The following SCNN1G variants were observed in gnomAD, a reference collection of about 807,000 sequenced individuals.
SCNN1G encodes epithelial sodium channel subunit gamma.
A neutral mutation model predicts 64.6 loss-of-function variants in SCNN1G; 27 were observed. The observed-to-expected ratio is 0.42, with a 90% CI of 0.31 to 0.58. The LOEUF (loss-of-function observed/expected upper bound fraction) is 0.58, where lower values mean the gene tolerates loss of function less well. Among genes scored for constraint, SCNN1G ranks in the 20% least tolerant of loss-of-function variants. The probability of loss-of-function intolerance (pLI) is 0.18; values close to 1 mark genes in which losing one functional copy is unlikely to be tolerated. For synonymous variants in SCNN1G, 330 were observed against 314.2 expected (o/e 1.05, Z -0.53); for missense variants, 743 against 823.4 (o/e 0.90, Z 1.19).
chr16:23,204,306 T>TATATAC (rs1959943558), intron 6 of SCNN1G, among the ~76,000 whole-genome samples: 1 of 63,940 alleles, frequency 1.6e-5, no homozygotes, highest in African/African-American at 6.0e-5. Flanking sequence ...TATATATATA[T>TATATAC]ATATATATAT....
In SCNN1G at chr16:23,194,174, T is replaced by C; in HGVS notation, c.813T>C (p.Asn271=). ...GACCCATTTTCTTCCTCCATAGGAA[T>C]TTCACGCTTTTCCACCACCCGATGC... ...FFDGVSCDAR[N]FTLFHHPMHG... Residue 271 remains asparagine (N), a synonymous_variant, in exon 5 of 13, where the codon AAT becomes AAC. Transcript: ENST00000300061. 6.2e-7 allele frequency: 1 copy of C among 1,611,370 alleles called. No individual in the cohort carries two copies. Among genetic ancestry groups the C allele is most frequent in the Non-Finnish European group, 8.5e-7 (1 of 1,177,612 alleles).
chr16:23,211,896 C>G (rs1335882080), intron 7 of SCNN1G, 138 bp from the exon 8 acceptor site: 1 of 753,144 alleles, frequency 1.3e-6, no homozygotes, highest in African/African-American at 1.7e-5. Context: ...CATGCCCAGC[C>G]CAGTTGGCAT....
chr16:23,191,869 G>A (rs72646497), intron 3 of SCNN1G, among the ~76,000 whole-genome samples: 2 of 152,198 alleles, frequency 1.3e-5, no homozygotes, highest in African/African-American at 4.8e-5. Flanking sequence ...TGGTTGGGAA[G>A]GATGGTGTTT....
chr16:23,208,434 G>T (rs939595217), intron 6 of SCNN1G, among the ~76,000 whole-genome samples: 1 of 152,098 alleles, frequency 6.6e-6, no homozygotes, highest in Admixed American at 6.5e-5. Flanking sequence ...GATCAGGGTA[G>T]CATTCTACTC....
At position 23,202,248 on chromosome 16, in the gene SCNN1G, A is replaced by G. The variant is rs1245448877; in HGVS notation, c.1077+4821A>G. On this transcript the variant is annotated intron_variant, in intron 6 of 12. Coordinates refer to ENST00000300061, the MANE Select transcript of SCNN1G (RefSeq NM_001039.4). The stretch of plus-strand genomic sequence containing the variant: ...GTAAATATTGATAGATGACAGATGG[A>G]TGGGTGGGTGGGTGGGTGGATGGAT... 1.1e-4 allele frequency among the ~76,000 whole-genome samples: 6 copies of G among 54,850 alleles called. No individual in the cohort carries two copies. In the South Asian group the frequency reaches 3.1e-3, roughly 28 times the overall value. The allele number at this position is 54,850 out of a possible 152,430, so 36.0% of individuals were successfully genotyped here.
chr16:23,201,210 TA>T (rs1959883660), intron 6 of SCNN1G, among the ~76,000 whole-genome samples: 1 of 152,202 alleles, frequency 6.6e-6, no homozygotes, highest in African/African-American at 2.4e-5. Flanking sequence ...CACACACTTT[TA>T]TCTGCACCCT....
chr16:23,200,203 C>T (rs1959866971), intron 6 of SCNN1G, among the ~76,000 whole-genome samples: 1 of 152,088 alleles, frequency 6.6e-6, no homozygotes, highest in African/African-American at 2.4e-5. Context: ...GCCCAAGGAT[C>T]TATATTTTTA....
At chr16:23,210,521 C>T (rs1960063213) in intron 7 of SCNN1G, among the ~76,000 whole-genome samples, 1 of 152,244 alleles carries the variant, frequency 6.6e-6, no homozygotes. Context: ...ACTTCCATCA[C>T]TGTCTCCTGT....
At chr16:23,194,341 T>A (rs1959761745) in intron 5 of SCNN1G, 67 bp downstream of exon 5, 2 of 1,101,288 alleles carry the variant, frequency 1.8e-6, no homozygotes, top group Admixed American at 1.7e-5. Flanking sequence ...AGCAGGACAG[T>A]GGGGATGCGG....
At chr16:23,187,255 C>T (rs546216988) in intron 2 of SCNN1G, among the ~76,000 whole-genome samples, 1 of 152,138 alleles carries the variant, frequency 6.6e-6, no homozygotes, top group South Asian at 2.1e-4. Flanking sequence ...ACTATAGGCA[C>T]ATGCCACCAC....
chr16:23,201,512 A>G (rs573151841), intron 6 of SCNN1G, among the ~76,000 whole-genome samples: 1 of 141,106 alleles, frequency 7.1e-6, no homozygotes, highest in South Asian at 2.7e-4. Context: ...CTGATTTATG[A>G]GCATTTAGAA....
At position 23,213,146 on chromosome 16, in the gene SCNN1G, A is replaced by G. The variant is rs146420892; in HGVS notation, c.1476A>G (p.Val492=). ...TCACTTGGGACCAAGGCCGGCAAGT[A>G]AACAAAAAGCTCAACAAGTAAGTTA... ...PVLTWDQGRQ[V]NKKLNKTDLA... is the part of the protein sequence containing the mutation. Residue 492 remains valine (V), a synonymous_variant, in exon 11 of 13, where the codon GTA becomes GTG. Transcript: ENST00000300061. 6.8e-4 allele frequency: 1,091 copies of G among 1,613,350 alleles called. 1 individual carries two copies. The highest frequency in any genetic ancestry group is 9.2e-4 in the Admixed American group (55 of 59,990).
chr16:23,186,610 ACG>A (rs779564301), intron 2 of SCNN1G, 22 bp downstream of exon 2: 2 of 1,603,848 alleles, frequency 1.2e-6, no homozygotes, highest in Non-Finnish European at 1.7e-6. Context: ...GAGCAGGGAA[ACG>A]CGAGTAGGGA....
chr16:23,194,181 C>T lies in SCNN1G; in HGVS notation c.820C>T (p.Leu274Phe). 6.2e-7 allele frequency: 1 copy of T among 1,613,128 alleles called. No homozygotes were observed. The highest frequency in any genetic ancestry group is 1.3e-5 in the African/African-American group (1 of 75,012). ...TTTCTTCCTCCATAGGAATTTCACG[C>T]TTTTCCACCACCCGATGCATGGGAA... is the stretch of plus-strand genomic sequence containing the variant. ...GVSCDARNFTLFHHPMHGNCY... is the reference protein window; with the variant it reads ...GVSCDARNFTFFHHPMHGNCY... Residue 274 changes from leucine (L) to phenylalanine (F), a missense_variant, in exon 5 of 13, where the codon CTT becomes TTT. By Grantham distance (22) the Leu-to-Phe change is conservative (BLOSUM62 0). Transcript: ENST00000300061.
intron 5 of SCNN1G, 83 bp downstream of exon 5, chr16:23,194,357 C>G: frequency 1.0e-6 from 1 of 984,722 alleles, no homozygotes; most frequent in Non-Finnish European, 1.6e-6. Flanking sequence ...TGCGGGAGCC[C>G]TCTGGAAAAG....
At chr16:23,203,710 C>T (rs1371753719) in intron 6 of SCNN1G, among the ~76,000 whole-genome samples, 10 of 126,122 alleles carry the variant, frequency 7.9e-5, no homozygotes, top group African/African-American at 2.1e-4. Flanking sequence ...GTGGAGCTTG[C>T]GGTGAGCCGA....
chr16:23,193,304 G>A (rs1959741721), intron 4 of SCNN1G, among the ~76,000 whole-genome samples: 2 of 152,048 alleles, frequency 1.3e-5, no homozygotes, highest in African/African-American at 2.4e-5. Context: ...TCACCTTTAT[G>A]ATAACACTCA....
intron 6 of SCNN1G, among the ~76,000 whole-genome samples, chr16:23,209,514 G>GAAC (rs902664396): frequency 6.6e-6 from 1 of 152,168 alleles, no homozygotes; most frequent in African/African-American, 2.4e-5. Flanking sequence ...TACCCCACTG[G>GAAC]AAGGTACGTT....
Position 23,193,190 on chromosome 16 carries a change from C to A in SCNN1G, c.809+648C>A, listed in dbSNP as rs572330877. Among the ~76,000 whole-genome samples, 5 of 151,458 alleles carry A rather than the reference C, an allele frequency of 3.3e-5. No individual in the cohort carries two copies. The South Asian group carries it at 1.0e-3, about 32-fold the overall frequency. ...CCTAACCTTGTATATTACCATCATG[C>A]ATACTGATGACTAAGAACCATCGTT... On this transcript the variant is annotated intron_variant, in intron 4 of 12. Coordinates refer to ENST00000300061, the MANE Select transcript of SCNN1G (RefSeq NM_001039.4).
Sources: gnomAD v4.1 joint callset for allele counts (sites outside exome capture counted in the v4.1 genomes callset) on GRCh38, gnomAD v4.1.1 for gene constraint, MANE v1.5 for transcripts, NCBI Gene and HGNC (gene_info 2026-07-23, HGNC 2026-07-21) for gene names.